CLYBL: variants seen among roughly 807,000 people sequenced by gnomAD.
CLYBL encodes the protein citramalyl-CoA lyase, also known as citramalyl-CoA lyase, mitochondrial.
Under a neutral mutation model 38.9 loss-of-function variants are expected in CLYBL, and 31 were observed. That is an observed-to-expected ratio of 0.80 (90% CI 0.60 to 1.08). CLYBL has a LOEUF of 1.08. CLYBL is among the 50% of genes least tolerant of loss of function. The pLI, the probability that CLYBL is intolerant of heterozygous loss-of-function variation, is 0.00. For synonymous variants in CLYBL, 171 were observed against 158.6 expected (o/e 1.08, Z -0.59); for missense variants, 434 against 411.6 (o/e 1.05, Z -0.47).
rs541766119 is a variant in CLYBL at position 99,644,103 on chromosome 13, A to T, written c.62+37346A>T. The stretch of plus-strand genomic sequence containing the variant: ...TCTTATGAAACTTTTGGTTTTTTAT[A>T]TGTGGTGTATGTATGTATATGTGGT... On this transcript the variant is annotated intron_variant, in intron 1 of 8. Coordinates refer to ENST00000339105, the MANE Select transcript of CLYBL (RefSeq NM_206808.5). Among the ~76,000 whole-genome samples, 8 of 141,802 alleles carry T rather than the reference A, an allele frequency of 5.6e-5. No individual in the cohort carries two copies. In the East Asian group the frequency reaches 1.7e-3, roughly 29 times the overall value. The allele number at this position is 141,802 out of a possible 152,430, so 93.0% of individuals were successfully genotyped here.
intron 1 of CLYBL, among the ~76,000 whole-genome samples, chr13:99,635,418 A>G (rs774937512): frequency 2.0e-5 from 3 of 151,960 alleles, no homozygotes; most frequent in African/African-American, 7.3e-5. Context: ...CCCAGGTCCA[A>G]CCTTGTTTTC....
At chr13:99,696,253 C>T (rs1462254781) in intron 1 of CLYBL, among the ~76,000 whole-genome samples, 9 of 149,630 alleles carry the variant, frequency 6.0e-5, no homozygotes, top group African/African-American at 1.7e-4. Flanking sequence ...TTTTTTAAAC[C>T]GAGTCTTACT....
At chr13:99,664,175 C>T (rs1260651590) in intron 1 of CLYBL, among the ~76,000 whole-genome samples, 1 of 152,218 alleles carries the variant, frequency 6.6e-6, no homozygotes, top group Non-Finnish European at 1.5e-5. Flanking sequence ...GTCTCTTCGG[C>T]TCTGGGACCA....
chr13:99,895,607 C>A (rs183021695), downstream of CLYBL: 1 of 152,208 alleles, frequency 6.6e-6, no homozygotes, highest in Non-Finnish European at 1.5e-5. Context: ...CCAGACCCCG[C>A]GGGCGAGCCC....
At position 99,666,262 on chromosome 13, in the gene CLYBL, C is replaced by T. The variant is rs1049690216; in HGVS notation, c.62+59505C>T. 3.0e-4 allele frequency among the ~76,000 whole-genome samples: 46 copies of T among 152,222 alleles called. 1 individual carries two copies. The highest frequency in any genetic ancestry group is 7.9e-4 in the African/African-American group (33 of 41,528). The stretch of plus-strand genomic sequence containing the variant: ...GGGAGGTGGAGGTGAACACTGACAT[C>T]GCTGAGACAGTACAGCCCCTGCCAA... On this transcript the variant is annotated intron_variant, in intron 1 of 8. Transcript: ENST00000339105.
intron 1 of CLYBL, among the ~76,000 whole-genome samples, chr13:99,739,153 GTTT>G (rs2048711016): frequency 6.6e-6 from 1 of 152,064 alleles, no homozygotes; most frequent in Admixed American, 6.5e-5. Context: ...TAATAATGGT[GTTT>G]TATAAATGGT....
At chr13:99,734,446 T>C (rs1038246592) in intron 1 of CLYBL, among the ~76,000 whole-genome samples, 1 of 151,544 alleles carries the variant, frequency 6.6e-6, no homozygotes, top group African/African-American at 2.4e-5. Flanking sequence ...CGTTGGCCAT[T>C]GTAATTCATA....
intron 2 of CLYBL, among the ~76,000 whole-genome samples, chr13:99,818,148 A>C (rs890713107): frequency 1.3e-5 from 2 of 152,002 alleles, no homozygotes; most frequent in African/African-American, 2.4e-5. Flanking sequence ...ATGAGAACTT[A>C]TGTGGCAGAG....
chr13:99,769,615 A>G (rs939883987), intron 1 of CLYBL, among the ~76,000 whole-genome samples: 2 of 152,236 alleles, frequency 1.3e-5, no homozygotes, highest in Admixed American at 1.3e-4. Context: ...TTTTCAATCA[A>G]TGAAAAACGA....
Position 99,760,796 on chromosome 13 carries a change from T to C in CLYBL, c.63-12028T>C, listed in dbSNP as rs537788174. Among the ~76,000 whole-genome samples, 53 of 152,344 alleles carry C rather than the reference T, an allele frequency of 3.5e-4. 1 individual carries two copies. The South Asian group carries it at 0.011, about 32-fold the overall frequency. ...CATGTGATAATTTAATACAGTCATA[T>C]AATTTGTAAAGATCAAAGCACCATA... On this transcript the variant is annotated intron_variant, in intron 1 of 8. Transcript: ENST00000339105.
chr13:99,625,494 A>G (rs1594089233), intron 1 of CLYBL, among the ~76,000 whole-genome samples: 1 of 152,300 alleles, frequency 6.6e-6, no homozygotes, highest in East Asian at 1.9e-4. Context: ...AAATGTTAAT[A>G]ATTTGAGGGA....
At chr13:99,794,447 C>T (rs2049981150) in intron 2 of CLYBL, among the ~76,000 whole-genome samples, 1 of 151,920 alleles carries the variant, frequency 6.6e-6, no homozygotes, top group Non-Finnish European at 1.5e-5. Flanking sequence ...GTGTATATAA[C>T]CACTGCCAAA....
intron 1 of CLYBL, among the ~76,000 whole-genome samples, chr13:99,620,970 C>T (rs2046786906): frequency 6.6e-6 from 1 of 152,154 alleles, no homozygotes; most frequent in Non-Finnish European, 1.5e-5. Context: ...AGTCTCTCTG[C>T]CACCCCTCAT....
chr13:99,905,126 C>G lies in CLYBL; in HGVS notation c.*25-144C>G, dbSNP rs564322905. ...TAGGCCATTCTCTCCAGCCGAGGAC[C>G]TCCTGGGAGAGATCCAGAAAGCTTT... On this transcript the variant is annotated intron_variant and NMD_transcript_variant, in intron 8 of 9. Coordinates refer to the CLYBL transcript ENST00000689673. Among the ~76,000 whole-genome samples the G allele has an allele frequency of 7.2e-5, 11 of 152,340 alleles. No homozygotes were observed. In the East Asian group the frequency reaches 2.1e-3, roughly 29 times the overall value.
At chr13:99,780,134 A>G (rs1330778937) in intron 2 of CLYBL, among the ~76,000 whole-genome samples, 2 of 152,174 alleles carry the variant, frequency 1.3e-5, no homozygotes, top group African/African-American at 2.4e-5. Flanking sequence ...AGGTATATAC[A>G]CATTTAGAAT....
downstream of CLYBL, among the ~76,000 whole-genome samples, chr13:99,898,802 CT>C (rs1486782217): frequency 6.6e-6 from 1 of 152,212 alleles, no homozygotes; most frequent in Non-Finnish European, 1.5e-5. Flanking sequence ...CTGCTCTTCC[CT>C]TAGTCCTTCT....
At chr13:99,887,138 C>T (rs763661719) in intron 7 of CLYBL, among the ~76,000 whole-genome samples, 7 of 152,332 alleles carry the variant, frequency 4.6e-5, no homozygotes, top group South Asian at 2.1e-4. Flanking sequence ...AAGTTCTCAA[C>T]GTGAATGTGC....
At chr13:99,622,577 A>G (rs2046813690) in intron 1 of CLYBL, among the ~76,000 whole-genome samples, 1 of 152,170 alleles carries the variant, frequency 6.6e-6, no homozygotes, top group Non-Finnish European at 1.5e-5. Flanking sequence ...GCAATATTCA[A>G]GTGTACTCTT....
exon 10 of CLYBL, among the ~76,000 whole-genome samples, chr13:99,908,123 C>T (rs2052715977): frequency 6.6e-6 from 1 of 152,234 alleles, no homozygotes; most frequent in Non-Finnish European, 1.5e-5. Flanking sequence ...TCAATAGCTA[C>T]AGAGAACTTG....
Sources: allele counts gnomAD v4.1 joint callset (sites outside exome capture counted in the v4.1 genomes callset), GRCh38; gene constraint gnomAD v4.1.1; transcripts MANE v1.5; gene names NCBI Gene and HGNC (gene_info 2026-07-23, HGNC 2026-07-21).